Variants in DNAAF11 observed in about 807,000 individuals in gnomAD.
DNAAF11 encodes the protein leucine rich repeat containing 6.
Under a neutral mutation model 60.8 loss-of-function variants are expected in DNAAF11, and 45 were observed. The ratio of observed to expected loss-of-function variants is 0.74; its 90% CI spans 0.58 to 0.95. The LOEUF (loss-of-function observed/expected upper bound fraction) is 0.95, where lower values mean the gene tolerates loss of function less well. Among genes scored for constraint, DNAAF11 ranks in the 40% least tolerant of loss-of-function variants. The pLI is 0.00. For synonymous variants in DNAAF11, 191 were observed against 183.5 expected (o/e 1.04, Z -0.33); for missense variants, 546 against 546.2 (o/e 1.00, Z 0.00).
intron 8 of DNAAF11, among the ~76,000 whole-genome samples, chr8:132,613,493 C>G (rs1435625555): frequency 6.6e-6 from 1 of 152,106 alleles, no homozygotes. Flanking sequence ...TCTATAGAGA[C>G]AGAAAACAGA....
Position 132,582,979 on chromosome 8 carries a change from T to C in DNAAF11, c.1226+715A>G, listed in dbSNP as rs1019181289. On this transcript the variant is annotated intron_variant, in intron 11 of 11. Coordinates refer to ENST00000620350, the MANE Select transcript of DNAAF11 (RefSeq NM_012472.6). ...AAGGGATGTCATTGCTTAAGGGAGA[T>C]TGGCTTGGTTCTGACGGTCTCCAGG... Among the ~76,000 whole-genome samples the C allele has an allele frequency of 3.3e-5, 5 of 152,174 alleles. No homozygotes were observed. In the South Asian group the frequency reaches 8.3e-4, roughly 25 times the overall value.
At chr8:132,697,734 A>T in the DNAAF11 span, among the ~76,000 whole-genome samples, 1 of 152,276 alleles carries the variant, frequency 6.6e-6, no homozygotes, top group East Asian at 1.9e-4. Flanking sequence ...CGTACTAGAG[A>T]GATTGACAAT....
intron 10 of DNAAF11, among the ~76,000 whole-genome samples, chr8:132,593,332 C>CATAT (rs60462067): frequency 0.19 from 20,402 of 108,390 alleles, 1,635 homozygotes; most frequent in Non-Finnish European, 0.2. Flanking sequence ...TATATACATA[C>CATAT]ATATATATAT....
chr8:132,693,862 A>G, the DNAAF11 span, among the ~76,000 whole-genome samples: 1 of 152,190 alleles, frequency 6.6e-6, no homozygotes, highest in African/African-American at 2.4e-5. Context: ...TTAAGTGAGT[A>G]TTGGATGAGG....
the DNAAF11 span, among the ~76,000 whole-genome samples, chr8:132,700,557 G>T: frequency 1.1e-4 from 17 of 151,974 alleles, no homozygotes; most frequent in Non-Finnish European, 2.4e-4. Context: ...ATGCAGTGGT[G>T]TATACCTGTA....
At chr8:132,690,333 T>C in the DNAAF11 span, among the ~76,000 whole-genome samples, 1 of 152,142 alleles carries the variant, frequency 6.6e-6, no homozygotes, top group African/African-American at 2.4e-5. Context: ...TGAGATCTGA[T>C]GGTTTTATAA....
At chr8:132,588,756 C>G (rs1816164452) in intron 10 of DNAAF11, among the ~76,000 whole-genome samples, 1 of 152,106 alleles carries the variant, frequency 6.6e-6, no homozygotes, top group Non-Finnish European at 1.5e-5. Flanking sequence ...TTAATTGACT[C>G]ATGGCTCTGC....
At chr8:132,659,785 C>T (rs148280563) in intron 2 of DNAAF11, among the ~76,000 whole-genome samples, 1 of 152,226 alleles carries the variant, frequency 6.6e-6, no homozygotes, top group Non-Finnish European at 1.5e-5. Context: ...GGTTTCTCAA[C>T]CTCAGCAATA....
At chr8:132,684,443 G>T in the DNAAF11 span, among the ~76,000 whole-genome samples, 3 of 152,150 alleles carry the variant, frequency 2.0e-5, no homozygotes, top group Non-Finnish European at 4.4e-5. Context: ...ATAATTGATT[G>T]ACTGATTGAT....
At chr8:132,694,871 G>T in the DNAAF11 span, among the ~76,000 whole-genome samples, 1 of 152,176 alleles carries the variant, frequency 6.6e-6, no homozygotes, top group Non-Finnish European at 1.5e-5. Context: ...CTCTAGAAGT[G>T]AGTTTAGGCA....
At chr8:132,618,422 G>A (rs1819405852) in intron 7 of DNAAF11, among the ~76,000 whole-genome samples, 1 of 102,002 alleles carries the variant, frequency 9.8e-6, no homozygotes. Context: ...AAAAGCAATG[G>A]CAACAAAAGC....
chr8:132,578,539 T>G, intron 11 of DNAAF11: 2 of 1,390,936 alleles, frequency 1.4e-6, no homozygotes, highest in Non-Finnish European at 2.0e-6. Context: ...ATCAACAGAT[T>G]TAACATCATG....
the DNAAF11 span, among the ~76,000 whole-genome samples, chr8:132,692,472 G>A: frequency 6.6e-6 from 1 of 152,334 alleles, no homozygotes; most frequent in African/African-American, 2.4e-5. Context: ...CCAACCTGCA[G>A]AACTGCATGC....
At chr8:132,599,016 T>C (rs1376748708) in intron 10 of DNAAF11, among the ~76,000 whole-genome samples, 2 of 152,074 alleles carry the variant, frequency 1.3e-5, no homozygotes. Context: ...ACAACATTGA[T>C]AGACCGCTAG....
At chr8:132,586,256 T>G (rs1328604485) in intron 10 of DNAAF11, among the ~76,000 whole-genome samples, 1 of 152,122 alleles carries the variant, frequency 6.6e-6, no homozygotes, top group African/African-American at 2.4e-5. Flanking sequence ...TTTTCTGCAA[T>G]TCTGTTTTTC....
intron 10 of DNAAF11, among the ~76,000 whole-genome samples, chr8:132,596,679 G>A (rs1221606319): frequency 1.3e-5 from 2 of 152,144 alleles, no homozygotes; most frequent in Non-Finnish European, 2.9e-5. Flanking sequence ...CACAGTAGGT[G>A]ATAAAGTGAG....
chr8:132,606,261 T>A (rs556443369), intron 10 of DNAAF11, among the ~76,000 whole-genome samples: 1 of 152,164 alleles, frequency 6.6e-6, no homozygotes, highest in African/African-American at 2.4e-5. Context: ...GGTTTATATG[T>A]TTAATTGTAC....
chr8:132,571,715 T>C lies in DNAAF11; in HGVS notation c.*591A>G, dbSNP rs1814214011. 6.6e-6 allele frequency among the ~76,000 whole-genome samples: 1 copy of C among 152,176 alleles called. No homozygotes were observed. The highest frequency in any genetic ancestry group is 2.1e-4 in the South Asian group (1 of 4,824). On this transcript the variant is annotated 3_prime_UTR_variant, in exon 12 of 12. Coordinates refer to ENST00000620350, the MANE Select transcript of DNAAF11 (RefSeq NM_012472.6). Reference sequence around the variant, plus strand: ...TGAGGCAAGTGTTATTATTCCCAGATTATACATGAAGCCACTAAGGCTCAG... The same window carrying C: ...TGAGGCAAGTGTTATTATTCCCAGACTATACATGAAGCCACTAAGGCTCAG...
intron 11 of DNAAF11, among the ~76,000 whole-genome samples, chr8:132,580,293 A>G (rs1206287152): frequency 6.6e-6 from 1 of 152,202 alleles, no homozygotes; most frequent in Non-Finnish European, 1.5e-5. Flanking sequence ...AGGCATGAAG[A>G]GGAAATACAA....
Sources: gnomAD v4.1 joint callset for allele counts (sites outside exome capture counted in the v4.1 genomes callset) on GRCh38, gnomAD v4.1.1 for gene constraint, MANE v1.5 for transcripts, NCBI Gene and HGNC (gene_info 2026-07-23, HGNC 2026-07-21) for gene names.